The following NRG2 variants were observed in gnomAD, a reference collection of about 807,000 sequenced individuals.
NRG2 encodes neuregulin 2, also known as pro-neuregulin-2, membrane-bound isoform.
A neutral mutation model predicts 73.9 loss-of-function variants in NRG2; 27 were observed. That is an observed-to-expected ratio of 0.37 (90% CI 0.27 to 0.50). NRG2 has a LOEUF of 0.50. Among genes scored for constraint, NRG2 ranks in the 20% least tolerant of loss-of-function variants. The pLI is 0.96. For synonymous variants in NRG2, 532 were observed against 541.0 expected (o/e 0.98, Z 0.23); for missense variants, 1,126 against 1,210.1 (o/e 0.93, Z 1.03).
At chr5:140,029,642 C>T (rs566935151) in intron 1 of NRG2, among the ~76,000 whole-genome samples, 10 of 141,032 alleles carry the variant, frequency 7.1e-5, no homozygotes, top group Non-Finnish European at 1.4e-4. Context: ...GAGCTGAGAT[C>T]GTACCACTGC....
At chr5:139,999,509 G>T (rs1174499286) in intron 1 of NRG2, among the ~76,000 whole-genome samples, 2 of 152,184 alleles carry the variant, frequency 1.3e-5, no homozygotes, top group Non-Finnish European at 2.9e-5. Flanking sequence ...AACCTGGCCT[G>T]CATTGCCCTA....
At chr5:139,864,733 T>C (rs1762371719) in intron 5 of NRG2, among the ~76,000 whole-genome samples, 1 of 149,448 alleles carries the variant, frequency 6.7e-6, no homozygotes, top group Non-Finnish European at 1.5e-5. Flanking sequence ...TCTGAGAACT[T>C]TTTTTCTCTC....
intron 1 of NRG2, among the ~76,000 whole-genome samples, chr5:140,025,393 T>C (rs912959694): frequency 1.3e-5 from 2 of 152,202 alleles, no homozygotes; most frequent in African/African-American, 4.8e-5. Flanking sequence ...ATGGCACATG[T>C]AGGTACACTG....
At chr5:139,858,563 T>C (rs1404006153) in intron 5 of NRG2, among the ~76,000 whole-genome samples, 2 of 152,194 alleles carry the variant, frequency 1.3e-5, no homozygotes, top group East Asian at 3.8e-4. Context: ...TTCTGTTCCA[T>C]AGATGTTTGT....
intron 9 of NRG2, 69 bp from the exon 10 acceptor site, chr5:139,848,766 TGG>T: frequency 5.8e-5 from 2 of 34,414 alleles, no homozygotes; most frequent in Non-Finnish European, 1.1e-4. Flanking sequence ...GGGTTGGGGG[TGG>T]GGTAGGGTGG....
chr5:139,894,207 C>T lies in NRG2; in HGVS notation c.701-6696G>A, dbSNP rs887629533. Among the ~76,000 whole-genome samples, 7 of 152,296 alleles carry T rather than the reference C, an allele frequency of 4.6e-5. No homozygotes were observed. Among genetic ancestry groups the T allele is most frequent in the East Asian group, 3.9e-4 (2 of 5,170 alleles). On this transcript the variant is annotated intron_variant, in intron 1 of 9. Transcript: ENST00000361474. The surrounding 1 kb of genome is among the most constrained non-coding windows in gnomAD (Gnocchi z 5.0). The stretch of plus-strand genomic sequence containing the variant: ...GGAGGACCTGGCTCTGCCTCCCTCC[C>T]GGCACCCAGCGGGCAGGGGCAGCAG...
At chr5:139,984,785 A>G (rs919618824) in intron 1 of NRG2, among the ~76,000 whole-genome samples, 1 of 152,258 alleles carries the variant, frequency 6.6e-6, no homozygotes, top group Non-Finnish European at 1.5e-5. Flanking sequence ...AAGGTCACAA[A>G]GTGATTTAGG....
chr5:139,911,617 C>T (rs772634874), intron 1 of NRG2, among the ~76,000 whole-genome samples: 4 of 152,194 alleles, frequency 2.6e-5, no homozygotes, highest in Non-Finnish European at 4.4e-5. Context: ...GCCTGGATTC[C>T]TGCTGCCAGC....
At chr5:139,919,222 G>A (rs1751487034) in intron 1 of NRG2, among the ~76,000 whole-genome samples, 2 of 151,990 alleles carry the variant, frequency 1.3e-5, no homozygotes, top group South Asian at 4.2e-4. Flanking sequence ...TCCACCCCAC[G>A]ACTCCTGGGG....
intron 1 of NRG2, among the ~76,000 whole-genome samples, chr5:139,916,995 C>T (rs890163752): frequency 3.9e-5 from 6 of 152,146 alleles, no homozygotes; most frequent in Non-Finnish European, 5.9e-5. Context: ...ACTGCCAGAT[C>T]GTTTTCCAAA....
At chr5:140,014,663 C>T (rs1320313713) in intron 1 of NRG2, among the ~76,000 whole-genome samples, 1 of 152,278 alleles carries the variant, frequency 6.6e-6, no homozygotes, top group African/African-American at 2.4e-5. Context: ...TTCACAACTA[C>T]AATACACCAA....
At chr5:139,858,786 C>T (rs6897418) in intron 5 of NRG2, among the ~76,000 whole-genome samples, 2,112 of 152,286 alleles carry the variant, frequency 0.014, 48 homozygotes, top group African/African-American at 0.045. Flanking sequence ...TGCAGATTCA[C>T]GCCTGTGCAC....
In NRG2 at chr5:140,019,132, T is replaced by C. The variant is rs1302030891; in HGVS notation, c.700+23238A>G. Among the ~76,000 whole-genome samples the C allele has an allele frequency of 2.0e-5, 3 of 152,164 alleles. No homozygotes were observed. In the South Asian group the frequency reaches 6.2e-4, roughly 32 times the overall value. On this transcript the variant is annotated intron_variant, in intron 1 of 9. Coordinates refer to ENST00000361474, the MANE Select transcript of NRG2 (RefSeq NM_004883.3). ...CAGCTCTGGGGAGAGGTGCTGCCAG[T>C]GCTGCCCTAGCAGGCCCAAGGACTC...
rs900139496 is a variant in NRG2 at position 139,856,594 on chromosome 5, C to T, written c.1190-816G>A. ...CACACCTGCTGGCTGGCCCCTCCTC[C>T]CAGCTCAGGGTAAAGTGGAGGCTGG... On this transcript the variant is annotated intron_variant, in intron 5 of 9. Coordinates refer to ENST00000361474, the MANE Select transcript of NRG2 (RefSeq NM_004883.3). The surrounding 1 kb of genome is among the most constrained non-coding windows in gnomAD (Gnocchi z 4.2). Among the ~76,000 whole-genome samples, 1 of 152,228 alleles carries T rather than the reference C, an allele frequency of 6.6e-6. No homozygotes were observed. Among genetic ancestry groups the T allele is most frequent in the Non-Finnish European group, 1.5e-5 (1 of 68,026 alleles).
rs540528418 is a variant in NRG2, at chr5:139,916,043, A to T, written c.701-28532T>A. Among the ~76,000 whole-genome samples, 5 of 152,134 alleles carry T rather than the reference A, an allele frequency of 3.3e-5. No homozygotes were observed. In the East Asian group the frequency reaches 7.7e-4, roughly 23 times the overall value. Reference sequence around the variant, plus strand: ...AGGAAGGTGACCCAACCCAAACTATACTCTTGGAGGCTCATCCAGCAGCGT... The same window carrying T: ...AGGAAGGTGACCCAACCCAAACTATTCTCTTGGAGGCTCATCCAGCAGCGT... On this transcript the variant is annotated intron_variant, in intron 1 of 9. Coordinates refer to ENST00000361474, the MANE Select transcript of NRG2 (RefSeq NM_004883.3).
chr5:140,007,563 T>C (rs900905054), intron 1 of NRG2, among the ~76,000 whole-genome samples: 2 of 152,096 alleles, frequency 1.3e-5, no homozygotes, highest in African/African-American at 4.8e-5. Context: ...GCCGGAGGCC[T>C]GTCTGTACAT....
chr5:139,945,220 T>G (rs1007966676), intron 1 of NRG2, among the ~76,000 whole-genome samples: 7 of 152,192 alleles, frequency 4.6e-5, no homozygotes, highest in African/African-American at 1.7e-4. Flanking sequence ...TTCACTCTAT[T>G]GATTGTTTCC....
chr5:139,927,512 A>G (rs1263401808), intron 1 of NRG2, among the ~76,000 whole-genome samples: 1 of 152,138 alleles, frequency 6.6e-6, no homozygotes, highest in Admixed American at 6.6e-5. Context: ...AAATAAAATT[A>G]TAAAAAAGTA....
At chr5:140,011,334 G>C (rs546874805) in intron 1 of NRG2, among the ~76,000 whole-genome samples, 3 of 152,150 alleles carry the variant, frequency 2.0e-5, no homozygotes, top group Non-Finnish European at 4.4e-5. Context: ...TCGGGATTAT[G>C]GTAGGCAGCC....
Sources: gnomAD v4.1 joint callset for allele counts (sites outside exome capture counted in the v4.1 genomes callset) on GRCh38, gnomAD v4.1.1 for gene constraint, Gnocchi (gnomAD v3.1) non-coding constraint, MANE v1.5 for transcripts, NCBI Gene and HGNC (gene_info 2026-07-23, HGNC 2026-07-21) for gene names.